ING3: variants seen among roughly 807,000 people sequenced by gnomAD.
ING3 encodes inhibitor of growth protein 3.
A neutral mutation model predicts 64.8 loss-of-function variants in ING3; 6 were observed. That is an observed-to-expected ratio of 0.09 (90% CI 0.05 to 0.18). The LOEUF is 0.18. Ranked by LOEUF, ING3 falls within the 10% of genes least tolerant of loss-of-function variation. ING3 has a pLI of 1.00. For synonymous variants in ING3, 170 were observed against 173.7 expected (o/e 0.98, Z 0.17); for missense variants, 310 against 489.7 (o/e 0.63, Z 3.46).
chr7:120,968,235 T>G, intron 8 of ING3, 144 bp downstream of exon 8: 1 of 790,738 alleles, frequency 1.3e-6, no homozygotes, highest in Non-Finnish European at 2.0e-6. Context: ...TATGTGATAT[T>G]TTATTTAATG....
At chr7:120,957,479 A>G (rs762321512) in intron 4 of ING3, among the ~76,000 whole-genome samples, 5 of 152,250 alleles carry the variant, frequency 3.3e-5, no homozygotes, top group Non-Finnish European at 7.3e-5. Flanking sequence ...GAATCCATAC[A>G]GAAACATGTA....
intron 1 of ING3, 77 bp downstream of exon 1, chr7:120,951,001 TGGCGGGAGGGAGGGGGC>T: frequency 1.4e-6 from 1 of 689,982 alleles, no homozygotes; most frequent in Non-Finnish European, 2.5e-6. Flanking sequence ...GGCAGCGAGA[TGGCGGGAGGGAGGGGGC>T]GGCGGGGGAT....
intron 8 of ING3, among the ~76,000 whole-genome samples, 164 bp from the exon 9 acceptor site, chr7:120,968,845 CAA>C (rs377274991): frequency 0.013 from 744 of 59,274 alleles, 1 homozygote; most frequent in African/African-American, 0.036. Flanking sequence ...AACTCCACCT[CAA>C]AAAAAAAAAA....
chr7:120,963,446 A>G (rs1387699545), intron 4 of ING3, among the ~76,000 whole-genome samples: 2 of 151,488 alleles, frequency 1.3e-5, no homozygotes, highest in Non-Finnish European at 2.9e-5. Context: ...ATGTTTTTCA[A>G]AAAAAAAACA....
At position 120,975,574 on chromosome 7, in the gene ING3, T is replaced by A. The variant is rs1224688706; in HGVS notation, c.*730T>A. On this transcript the variant is annotated 3_prime_UTR_variant, in exon 12 of 12. Coordinates refer to ENST00000315870, the MANE Select transcript of ING3 (RefSeq NM_019071.3). ...AGGGCGTTAAAGTGATACATTTTTA[T>A]ACCAAATGTGTTTATTTTTTTGTGC... 1.3e-5 allele frequency: 2 copies of A among 152,200 alleles called. No homozygotes were observed. Among genetic ancestry groups the A allele is most frequent in the Non-Finnish European group, 2.9e-5 (2 of 68,018 alleles). The allele number at this position is 152,200 out of a possible 1,614,324, so 9.4% of individuals were successfully genotyped here.
chr7:120,966,583 T>G, intron 5 of ING3, 43 bp from the exon 6 acceptor site: 22 of 1,436,138 alleles, frequency 1.5e-5, no homozygotes, highest in Middle Eastern at 1.7e-4. Flanking sequence ...AGTTCTGCGG[T>G]GACATTTAAT....
chr7:120,960,738 G>A lies in ING3; in HGVS notation c.268-4004G>A, dbSNP rs530665729. On this transcript the variant is annotated intron_variant, in intron 4 of 11. Coordinates refer to ENST00000315870, the MANE Select transcript of ING3 (RefSeq NM_019071.3). The stretch of plus-strand genomic sequence containing the variant: ...TAGAAGAAACTGACAGTTTATTTTA[G>A]TAGCCGTTTTAGTGAAATTTGACTA... 4.6e-5 allele frequency among the ~76,000 whole-genome samples: 7 copies of A among 152,230 alleles called. No homozygotes were observed. In the East Asian group the frequency reaches 1.2e-3, roughly 25 times the overall value.
intron 4 of ING3, among the ~76,000 whole-genome samples, chr7:120,964,161 G>A (rs534089483): frequency 6.6e-6 from 1 of 152,044 alleles, no homozygotes; most frequent in African/African-American, 2.4e-5. Flanking sequence ...GATCCTTTGA[G>A]GAATGGAGTT....
At position 120,953,308 on chromosome 7, in the gene ING3, A is replaced by C. The variant is rs775400033; in HGVS notation, c.105A>C (p.Ala35=). The C allele has an allele frequency of 6.3e-6, 10 of 1,576,950 alleles. No homozygotes were observed. Among genetic ancestry groups the C allele is most frequent in the Non-Finnish European group, 7.8e-6 (9 of 1,158,170 alleles). The change falls in exon 3 of 12, where the codon GCA becomes GCC. Residue 35 remains alanine (A), a synonymous_variant. Transcript: ENST00000315870. The part of the protein sequence containing the change: ...MREMDLQVQN[A]MDQLEQRVSE... The stretch of plus-strand genomic sequence containing the variant: ...ATTTTTTTTATTATGTCATAGATGC[A>C]ATGGATCAACTAGAACAAAGAGTCA...
At position 120,956,378 on chromosome 7, in the gene ING3, T is replaced by C. The variant is rs1795847727; in HGVS notation, c.267+754T>C. The C allele has an allele frequency of 4.5e-6, 6 of 1,331,304 alleles. No individual in the cohort carries two copies. The South Asian group carries it at 7.9e-5, about 18-fold the overall frequency. 82.5% of individuals were successfully genotyped at this position (1,331,304 alleles called of 1,614,324 possible). ...CAGTGTATAGATTTCATACTTATGT[T>C]GTCTTTCCTGGGTACAGATTTATTA... On this transcript the variant is annotated intron_variant, in intron 4 of 11. Coordinates refer to ENST00000315870, the MANE Select transcript of ING3 (RefSeq NM_019071.3).
At chr7:120,968,916 T>A in intron 8 of ING3, 95 bp from the exon 9 acceptor site, 1 of 788,734 alleles carries the variant, frequency 1.3e-6, no homozygotes, top group Non-Finnish European at 2.0e-6. Flanking sequence ...AAATTAACAT[T>A]TGATAAACCA....
chr7:120,971,369 G>C (rs1796067994), intron 10 of ING3, among the ~76,000 whole-genome samples: 1 of 152,044 alleles, frequency 6.6e-6, no homozygotes, highest in African/African-American at 2.4e-5. Flanking sequence ...CCTTGTCAGA[G>C]TAGGACCCCA....
chr7:120,974,208 T>TC (rs79207607), intron 11 of ING3, among the ~76,000 whole-genome samples: 42,111 of 152,016 alleles, frequency 0.28, 7,118 homozygotes, highest in African/African-American at 0.46. Flanking sequence ...GCTAAGACTT[T>TC]CATGAAAGAG....
chr7:120,952,668 G>T lies in ING3; in HGVS notation c.101-636G>T, dbSNP rs77273645. Among the ~76,000 whole-genome samples the T allele has an allele frequency of 4.4e-4, 67 of 151,998 alleles. 1 individual carries two copies. The East Asian group carries it at 0.013, about 28-fold the overall frequency. The stretch of plus-strand genomic sequence containing the variant: ...TAGGACTTCATAGAGTCTTTAAAAG[G>T]CTATTGTGGACTGGAAATCTCCAAA... On this transcript the variant is annotated intron_variant, in intron 2 of 11. Transcript: ENST00000315870.
At chr7:120,957,295 C>G (rs1217254516) in intron 4 of ING3, among the ~76,000 whole-genome samples, 1 of 151,980 alleles carries the variant, frequency 6.6e-6, no homozygotes, top group Non-Finnish European at 1.5e-5. Context: ...TGGCGGGAAC[C>G]CGGGAGGCGG....
chr7:120,972,336 C>A (rs1004767524), intron 10 of ING3, among the ~76,000 whole-genome samples: 1 of 152,090 alleles, frequency 6.6e-6, no homozygotes, highest in African/African-American at 2.4e-5. Flanking sequence ...ATTATTGTGT[C>A]TAACAGTATG....
At chr7:120,954,055 T>C (rs992144525) in intron 3 of ING3, among the ~76,000 whole-genome samples, 1 of 152,208 alleles carries the variant, frequency 6.6e-6, no homozygotes, top group African/African-American at 2.4e-5. Context: ...TTCTGCTATT[T>C]AGCTGTGTGA....
At chr7:120,951,459 T>C (rs1032450392) in intron 2 of ING3, among the ~76,000 whole-genome samples, 1 of 152,256 alleles carries the variant, frequency 6.6e-6, no homozygotes, top group Non-Finnish European at 1.5e-5. Context: ...GGGACACGTG[T>C]ATTCCTTTCT....
chr7:120,951,288 T>G (rs1795760866), intron 2 of ING3, 53 bp downstream of exon 2: 4 of 1,525,002 alleles, frequency 2.6e-6, no homozygotes, highest in Non-Finnish European at 3.6e-6. Flanking sequence ...AGTGCCAGAC[T>G]TGCTTGTCAT....
Sources: gnomAD v4.1 joint callset for allele counts (sites outside exome capture counted in the v4.1 genomes callset) on GRCh38, gnomAD v4.1.1 for gene constraint, MANE v1.5 for transcripts, NCBI Gene and HGNC (gene_info 2026-07-23, HGNC 2026-07-21) for gene names.